MDC1: variants seen among roughly 807,000 people sequenced by gnomAD.
MDC1 encodes the protein mediator of DNA damage checkpoint protein 1.
MDC1 carries 81 observed loss-of-function variants against 142.5 expected under a neutral mutation model. The observed-to-expected ratio is 0.57, with a 90% CI of 0.47 to 0.68. The LOEUF (loss-of-function observed/expected upper bound fraction) is 0.68, where lower values mean the gene tolerates loss of function less well. MDC1 is among the 30% of genes least tolerant of loss of function. The pLI is 0.00. For missense variants in MDC1, 2,119 were observed against 2,547.9 expected (o/e 0.83, Z 3.62); for synonymous variants, 797 against 968.4 (o/e 0.82, Z 3.29).
rs192232513 is a variant in MDC1 at position 30,704,132 on chromosome 6, A to G, written c.5051T>C (p.Leu1684Pro). Residue 1684 changes from leucine to proline, a missense_variant, in exon 10 of 15, where the codon CTG (leucine) becomes CCG (proline). Coordinates refer to ENST00000376406, the MANE Select transcript of MDC1 (RefSeq NM_014641.3). ...CATAGCTCTTACTGTGGAAGACCTC[A>G]GTGTTTTGCTCTGACCACCCTGAGC... ...AIAQGGQSKT[L>P]RSSTVRAMPV... 9 of 1,613,820 alleles carry G rather than the reference A, an allele frequency of 5.6e-6. No individual in the cohort carries two copies. The African/African-American group carries it at 1.1e-4, about 19-fold the overall frequency.
chr6:30,701,091 G>GA (rs572265551), intron 14 of MDC1, among the ~76,000 whole-genome samples: 10,319 of 129,656 alleles, frequency 0.08, 676 homozygotes, highest in African/African-American at 0.19. Context: ...AAAAAAAAAA[G>GA]AAAAAAAAAA....
In MDC1 at chr6:30,708,068, T is replaced by C. The variant is rs1200909702; in HGVS notation, c.2511A>G (p.Lys837=). Residue 837 remains lysine, a synonymous_variant, in exon 8 of 15, where the codon AAA becomes AAG. Coordinates refer to ENST00000376406, the MANE Select transcript of MDC1 (RefSeq NM_014641.3). ...CATCTGTCTGTCTTTCTGGTAGCAGTTTCTCAGTTTCTCTCTCCAATGGCC... is the reference window on the plus strand; with the variant it reads ...CATCTGTCTGTCTTTCTGGTAGCAGCTTCTCAGTTTCTCTCTCCAATGGCC... ...ERGPLERETE[K]LLPERQTDVT... 4.3e-6 allele frequency: 7 copies of C among 1,612,950 alleles called. No individual in the cohort carries two copies. The highest frequency in any genetic ancestry group is 5.9e-6 in the Non-Finnish European group (7 of 1,180,026).
At position 30,700,161 on chromosome 6, in the gene MDC1, C is replaced by T. The variant is rs148773470; in HGVS notation, c.*304G>A. The T allele has an allele frequency of 3.5e-6, 1 of 287,030 alleles. No individual in the cohort carries two copies. Among genetic ancestry groups the T allele is most frequent in the African/African-American group, 2.1e-5 (1 of 46,828 alleles). 17.8% of individuals were successfully genotyped at this position (287,030 alleles called of 1,614,324 possible). A position where few individuals can be genotyped will look rare whatever the true frequency, so the allele number is the denominator to read the frequency against. On this transcript the variant is annotated 3_prime_UTR_variant, in exon 15 of 15. Transcript: ENST00000376406. ...TTATGACATCTGAGCATGAAACTAG[C>T]TAATTTTAAAATGGCCATTTAATAC... is the stretch of plus-strand genomic sequence containing the variant.
In MDC1 at chr6:30,713,844, G is replaced by A; in HGVS notation, c.476C>T (p.Pro159Leu). Residue 159 changes from proline (P) to leucine (L), a missense_variant, in exon 3 of 15, where the codon CCC (proline) becomes CTC (leucine). Coordinates refer to ENST00000376406, the MANE Select transcript of MDC1 (RefSeq NM_014641.3). This position sits in a 1 kb window ranked among gnomAD's most constrained non-coding sequence, Gnocchi z 4.9. ...ETPRVQGETQ[P>L]QRLLLAEDSE... Reference sequence around the variant, plus strand: ...GTCCTCAGCCAACAGAAGCCTCTGGGGTTGAGTTTCTCCCTGTACTCTGGG... The same window carrying A: ...GTCCTCAGCCAACAGAAGCCTCTGGAGTTGAGTTTCTCCCTGTACTCTGGG... The A allele has an allele frequency of 6.2e-7, 1 of 1,614,124 alleles. No individual in the cohort carries two copies. The highest frequency in any genetic ancestry group is 1.3e-5 in the African/African-American group (1 of 75,026).
Position 30,715,237 on chromosome 6 carries a change from A to G in MDC1, c.-3-59T>C. The G allele has an allele frequency of 6.3e-7, 1 of 1,595,684 alleles. No individual in the cohort carries two copies. Among genetic ancestry groups the G allele is most frequent in the Middle Eastern group, 1.7e-4 (1 of 5,842 alleles). ...TATTGGTTCACACAAACAGCATCAGAGTTATCAGACTGAAAACTAGGGGGT... is the reference window on the plus strand; with the variant it reads ...TATTGGTTCACACAAACAGCATCAGGGTTATCAGACTGAAAACTAGGGGGT... On this transcript the variant is annotated intron_variant, in intron 1 of 14. Coordinates refer to ENST00000376406, the MANE Select transcript of MDC1 (RefSeq NM_014641.3). This position sits in a 1 kb window ranked among gnomAD's most constrained non-coding sequence, Gnocchi z 4.1.
intron 9 of MDC1, 56 bp from the exon 10 acceptor site, chr6:30,706,154 T>C (rs912343618): frequency 7.2e-7 from 1 of 1,383,952 alleles, no homozygotes; most frequent in Admixed American, 2.2e-5. Flanking sequence ...AGATAGAACT[T>C]GGATACTGTT....
chr6:30,703,077 G>C lies in MDC1; in HGVS notation c.5865+27C>G, dbSNP rs367669411. The C allele has an allele frequency of 2.2e-5, 36 of 1,604,858 alleles. No individual in the cohort carries two copies. The African/African-American group carries it at 4.4e-4, about 20-fold the overall frequency. On this transcript the variant is annotated intron_variant, in intron 12 of 14. Coordinates refer to ENST00000376406, the MANE Select transcript of MDC1 (RefSeq NM_014641.3). This position sits in a 1 kb window ranked among gnomAD's most constrained non-coding sequence, Gnocchi z 4.4. ...TATGAGCAGTCTTGCCACTATATCG[G>C]TCTGTCATCATCCCTTGGCCTCTCA...
At position 30,715,283 on chromosome 6, in the gene MDC1, T is replaced by C. The variant is rs762709197; in HGVS notation, c.-3-105A>G. ...GGGGTAAACTGGATCATTATGAACG[T>C]TGATGCTTCTCTTTCCACCAATCTT... On this transcript the variant is annotated intron_variant, in intron 1 of 14. Coordinates refer to ENST00000376406, the MANE Select transcript of MDC1 (RefSeq NM_014641.3). This position sits in a 1 kb window ranked among gnomAD's most constrained non-coding sequence, Gnocchi z 4.1. 2.5e-4 allele frequency: 296 copies of C among 1,190,526 alleles called. No individual in the cohort carries two copies. The highest frequency in any genetic ancestry group is 3.2e-4 in the Non-Finnish European group (259 of 814,564). The allele number at this position is 1,190,526 out of a possible 1,614,324, so 73.7% of individuals were successfully genotyped here. A position where few individuals can be genotyped will look rare whatever the true frequency, so the allele number is the denominator to read the frequency against.
Position 30,713,750 on chromosome 6 carries a change from T to C in MDC1, c.518-33A>G. On this transcript the variant is annotated intron_variant, in intron 3 of 14. Coordinates refer to ENST00000376406, the MANE Select transcript of MDC1 (RefSeq NM_014641.3). This position sits in a 1 kb window ranked among gnomAD's most constrained non-coding sequence, Gnocchi z 4.9. ...GAACAGAAAGGAATGAGTTGACAAT[T>C]GTACACTCATTATTCCTGTCTCCTC... 3 of 1,613,960 alleles carry C rather than the reference T, an allele frequency of 1.9e-6. No individual in the cohort carries two copies. The highest frequency in any genetic ancestry group is 2.5e-6 in the Non-Finnish European group (3 of 1,179,874).
rs1366095477 is a variant in MDC1 at position 30,716,193 on chromosome 6, TC to T, written c.-3-1016del. On this transcript the variant is annotated intron_variant, in intron 1 of 14. Coordinates refer to ENST00000376406, the MANE Select transcript of MDC1 (RefSeq NM_014641.3). The surrounding 1 kb of genome is among the most constrained non-coding windows in gnomAD (Gnocchi z 4.4). Reference sequence around the variant, plus strand: ...TAGTTTTCTGGTCCAACTTCTACCATCCTTTAAGATTCAGTTCAAATGTCAC... The same window carrying T: ...TAGTTTTCTGGTCCAACTTCTACCATCTTTAAGATTCAGTTCAAATGTCAC... Among the ~76,000 whole-genome samples the T allele has an allele frequency of 1.3e-5, 2 of 151,998 alleles. No individual in the cohort carries two copies. Among genetic ancestry groups the T allele is most frequent in the African/African-American group, 2.4e-5 (1 of 41,380 alleles).
At position 30,700,255 on chromosome 6, in the gene MDC1, A is replaced by G. The variant is rs1581509224; in HGVS notation, c.*210T>C. 2.0e-5 allele frequency: 9 copies of G among 440,524 alleles called. No homozygotes were observed. The East Asian group carries it at 2.9e-4, about 14-fold the overall frequency. The allele number at this position is 440,524 out of a possible 1,614,324, so 27.3% of individuals were successfully genotyped here. A position where few individuals can be genotyped will look rare whatever the true frequency, so the allele number is the denominator to read the frequency against. On this transcript the variant is annotated 3_prime_UTR_variant, in exon 15 of 15. Coordinates refer to ENST00000376406, the MANE Select transcript of MDC1 (RefSeq NM_014641.3). ...AAAACTATAAATACAAATAAAATAA[A>G]ATGGCCATTAAAAAAACAAACAAAC...
Position 30,702,801 on chromosome 6 carries a change from A to G in MDC1, c.5942T>C (p.Phe1981Ser). Residue 1981 changes from phenylalanine to serine, a missense_variant, in exon 13 of 15, where the codon TTT becomes TCT. Phe to Ser is a radical substitution (Grantham distance 155, BLOSUM62 -2). Coordinates refer to ENST00000376406, the MANE Select transcript of MDC1 (RefSeq NM_014641.3). The stretch of plus-strand genomic sequence containing the variant: ...CCTGCTCAGTGCGTCTTGAAGGCTA[A>G]AGCCAAAGTTCTTCTCTTGCTCAGG... Reference protein sequence around the residue: ...TDPEQEKNFGFSLQDALSRAR... With the variant: ...TDPEQEKNFGSSLQDALSRAR... The G allele has an allele frequency of 6.2e-7, 1 of 1,613,120 alleles. No individual in the cohort carries two copies. Among genetic ancestry groups the G allele is most frequent in the African/African-American group, 1.3e-5 (1 of 75,024 alleles).
intron 14 of MDC1, among the ~76,000 whole-genome samples, chr6:30,702,131 C>T (rs1005447340): frequency 1.2e-4 from 18 of 151,092 alleles, no homozygotes; most frequent in African/African-American, 3.2e-4. Context: ...GGCGTGGTGG[C>T]GGGCACCTGT....
At position 30,707,957 on chromosome 6, in the gene MDC1, A is replaced by C. The variant is rs1774190126; in HGVS notation, c.2622T>G (p.Ser874=). Reference sequence around the variant, plus strand: ...GACTTGCACTTTCCCCATTTTTGTCAGATTCTTGTCTCTGGGTGTCTCTAG... The same window carrying C: ...GACTTGCACTTTCCCCATTTTTGTCCGATTCTTGTCTCTGGGTGTCTCTAG... The part of the protein sequence containing the change: ...LLARDTQRQE[S]DKNGESASPE... The change falls in exon 8 of 15, where the codon TCT becomes TCG. Residue 874 remains serine (S), a synonymous_variant. Transcript: ENST00000376406. 1 of 1,612,770 alleles carries C rather than the reference A, an allele frequency of 6.2e-7. No individual in the cohort carries two copies. Among genetic ancestry groups the C allele is most frequent in the Non-Finnish European group, 8.5e-7 (1 of 1,179,998 alleles).
chr6:30,713,563 TA>T lies in MDC1; in HGVS notation c.587+84del, dbSNP rs1775231568. ...GGTTCCCCAGCCCCAACTCTCATGA[TA>T]ATCATCTCTTTTAGAGATTGATCCT... On this transcript the variant is annotated intron_variant, in intron 4 of 14. Transcript: ENST00000376406. The surrounding 1 kb of genome is among the most constrained non-coding windows in gnomAD (Gnocchi z 4.9). The T allele has an allele frequency of 7.1e-7, 1 of 1,417,490 alleles. No individual in the cohort carries two copies. Among genetic ancestry groups the T allele is most frequent in the Non-Finnish European group, 9.7e-7 (1 of 1,029,250 alleles). The allele number at this position is 1,417,490 out of a possible 1,614,324, so 87.8% of individuals were successfully genotyped here.
rs754667527 is a variant in MDC1, at chr6:30,712,000, G to C, written c.1942C>G (p.Leu648Val). ...LPISRENLTD[L>V]VVDTDTLGES... Reference sequence around the variant, plus strand: ...CCTAGAGTGTCTGTGTCCACCACCAGATCTGTGAGGTTCTCTCTTGAGATA... The same window carrying C: ...CCTAGAGTGTCTGTGTCCACCACCACATCTGTGAGGTTCTCTCTTGAGATA... Residue 648 changes from leucine (L) to valine (V), a missense_variant, in exon 5 of 15, where the codon CTG becomes GTG. Coordinates refer to ENST00000376406, the MANE Select transcript of MDC1 (RefSeq NM_014641.3). 1.9e-6 allele frequency: 3 copies of C among 1,599,092 alleles called. No individual in the cohort carries two copies. The highest frequency in any genetic ancestry group is 1.3e-5 in the African/African-American group (1 of 74,476).
In MDC1 at chr6:30,713,828, C is replaced by T. The variant is rs1775277467; in HGVS notation, c.492G>A (p.Leu164=). 1 of 1,613,966 alleles carries T rather than the reference C, an allele frequency of 6.2e-7. No individual in the cohort carries two copies. Among genetic ancestry groups the T allele is most frequent in the South Asian group, 1.1e-5 (1 of 91,088 alleles). The change falls in exon 3 of 15, where the codon TTG becomes TTA. Residue 164 remains leucine (L), a synonymous_variant. Coordinates refer to ENST00000376406, the MANE Select transcript of MDC1 (RefSeq NM_014641.3). The surrounding 1 kb of genome is among the most constrained non-coding windows in gnomAD (Gnocchi z 4.9). ...CTACTTCCTCCTCCGAGTCCTCAGC[C>T]AACAGAAGCCTCTGGGGTTGAGTTT... ...QGETQPQRLL[L]AEDSEEEVDF...
At chr6:30,702,520 A>T (rs1241670423) in intron 14 of MDC1, 33 bp downstream of exon 14, 1 of 1,481,028 alleles carries the variant, frequency 6.8e-7, no homozygotes, top group Non-Finnish European at 9.0e-7. Flanking sequence ...TGCCACTGCC[A>T]CCTCACCCAG....
rs1198847716 is a variant in MDC1, at chr6:30,706,063, A to G, written c.3120T>C (p.Pro1040=). 1 of 1,596,392 alleles carries G rather than the reference A, an allele frequency of 6.3e-7. No individual in the cohort carries two copies. The highest frequency in any genetic ancestry group is 8.5e-7 in the Non-Finnish European group (1 of 1,178,104). Reference sequence around the variant, plus strand: ...GTGGGGCTGGGGCTTCAGGTACTGTAGGAGGCAGACAAGCATCTGGAGATT... The same window carrying G: ...GTGGGGCTGGGGCTTCAGGTACTGTGGGAGGCAGACAAGCATCTGGAGATT... ...DQESPDACLP[P]TVPEAPAPPQ... is the part of the protein sequence containing the mutation. The change falls in exon 10 of 15, where the codon CCT becomes CCC. Residue 1040 remains proline, a synonymous_variant. Transcript: ENST00000376406.
Sources: gnomAD v4.1 joint callset for allele counts (sites outside exome capture counted in the v4.1 genomes callset) on GRCh38, gnomAD v4.1.1 for gene constraint, Gnocchi (gnomAD v3.1) non-coding constraint, MANE v1.5 for transcripts, NCBI Gene and HGNC (gene_info 2026-07-23, HGNC 2026-07-21) for gene names.